TET1: variants seen among roughly 807,000 people sequenced by gnomAD.
TET1 encodes the protein tet methylcytosine dioxygenase 1, also known as methylcytosine dioxygenase TET1.
Under a neutral mutation model 148.7 loss-of-function variants are expected in TET1, and 13 were observed. The ratio of observed to expected loss-of-function variants is 0.09; its 90% CI spans 0.06 to 0.14. The LOEUF is 0.14. Among genes scored for constraint, TET1 ranks in the 10% least tolerant of loss-of-function variants. The pLI, the probability that TET1 is intolerant of heterozygous loss-of-function variation, is 1.00. For missense variants in TET1, 2,182 were observed against 2,553.8 expected, an observed-to-expected ratio of 0.85 and a Z score of 3.14; for synonymous variants, 907 against 937.2, an observed-to-expected ratio of 0.97 and a Z score of 0.59.
At chr10:68,660,328 T>C (rs541352806) in intron 6 of TET1, among the ~76,000 whole-genome samples, 2 of 150,038 alleles carry the variant, frequency 1.3e-5, no homozygotes, top group African/African-American at 5.0e-5. Flanking sequence ...ACTTTTTTCT[T>C]TTCTTCTTCT....
chr10:68,685,564 T>C (rs2055497756), intron 10 of TET1, among the ~76,000 whole-genome samples: 1 of 152,112 alleles, frequency 6.6e-6, no homozygotes, highest in Non-Finnish European at 1.5e-5. Context: ...AATTAAAATA[T>C]TAGTTTTATA....
chr10:68,661,198 T>TTTG (rs2055107088), intron 6 of TET1, among the ~76,000 whole-genome samples: 1 of 119,928 alleles, frequency 8.3e-6, no homozygotes, highest in Non-Finnish European at 1.7e-5. Flanking sequence ...CCTGGCTAAT[T>TTTG]TTTTTTTTTT....
At position 68,615,356 on chromosome 10, in the gene TET1, C is replaced by CTTTTTTTTTTTTTTTTTTT. The variant is rs71019038; in HGVS notation, c.1968+14329_1968+14330insTTTTTTTTTTTTTTTTTTT. 2.1e-5 allele frequency among the ~76,000 whole-genome samples: 3 copies of CTTTTTTTTTTTTTTTTTTT among 145,278 alleles called. 1 individual carries two copies. Among genetic ancestry groups the CTTTTTTTTTTTTTTTTTTT allele is most frequent in the Admixed American group, 1.4e-4 (2 of 14,278 alleles). ...TTCAGAATGGTGTTTCTTTTCTTTT[C>CTTTTTTTTTTTTTTTTTTT]TTTTTTTGAGATGGAGACTCACTCT... On this transcript the variant is annotated intron_variant, in intron 3 of 11. Transcript: ENST00000373644.
chr10:68,673,954 C>CTTTTCTTTTT (rs2055313402), intron 8 of TET1, among the ~76,000 whole-genome samples: 1 of 78,828 alleles, frequency 1.3e-5, no homozygotes, highest in Admixed American at 1.2e-4. Flanking sequence ...TTTTCTTTTT[C>CTTTTCTTTTT]TTTTTCTTTT....
At chr10:68,640,637 C>T (rs547607532) in intron 3 of TET1, among the ~76,000 whole-genome samples, 10 of 125,780 alleles carry the variant, frequency 8.0e-5, no homozygotes, top group East Asian at 2.8e-4. Flanking sequence ...CTGCAGGCTC[C>T]GCTTCCCAGG....
intron 1 of TET1, among the ~76,000 whole-genome samples, chr10:68,569,813 A>T (rs1052879963): frequency 1.1e-4 from 16 of 152,112 alleles, no homozygotes; most frequent in Non-Finnish European, 2.4e-4. Flanking sequence ...TTAAAAATGC[A>T]TGAAACTACA....
intron 7 of TET1, among the ~76,000 whole-genome samples, chr10:68,668,564 A>T (rs12252835): frequency 0.055 from 8,414 of 152,272 alleles, 773 homozygotes; most frequent in African/African-American, 0.19. Flanking sequence ...AAGAGGAGAT[A>T]AGTTTTGTTG....
Position 68,690,789 on chromosome 10 carries a change from A to C in TET1, c.5405-19A>C. 6.4e-7 allele frequency: 1 copy of C among 1,551,602 alleles called. No homozygotes were observed. The highest frequency in any genetic ancestry group is 1.2e-5 in the South Asian group (1 of 82,512). On this transcript the variant is annotated intron_variant, in intron 11 of 11. Coordinates refer to ENST00000373644, the MANE Select transcript of TET1 (RefSeq NM_030625.3). ...AAAAGTAATTTGTATTTTTCTTCAC[A>C]TTTGGTGTCCTTGTTTAGGGAGTAA...
At chr10:68,576,317 C>G (rs754629945) in intron 2 of TET1, among the ~76,000 whole-genome samples, 46 of 150,616 alleles carry the variant, frequency 3.1e-4, no homozygotes, top group Non-Finnish European at 5.6e-4. Flanking sequence ...CGCCACTGCA[C>G]TCCAGCAGGG....
intron 1 of TET1, among the ~76,000 whole-genome samples, chr10:68,570,599 G>A: frequency 6.6e-6 from 1 of 151,840 alleles, no homozygotes. Context: ...TTCTTTTGCA[G>A]TAAACAATTC....
intron 2 of TET1, among the ~76,000 whole-genome samples, chr10:68,590,077 C>T (rs2053902052): frequency 6.6e-6 from 1 of 152,120 alleles, no homozygotes. Context: ...TACAGTTGTA[C>T]GGACTGAGAG....
intron 3 of TET1, among the ~76,000 whole-genome samples, chr10:68,624,602 C>CTCTTTCTT (rs771481993): frequency 1.6e-4 from 18 of 113,948 alleles, no homozygotes; most frequent in African/African-American, 3.3e-4. Context: ...TTTTCTTTTT[C>CTCTTTCTT]TCTTTCTTTC....
At chr10:68,568,584 G>A (rs1199201896) in intron 1 of TET1, among the ~76,000 whole-genome samples, 1 of 152,202 alleles carries the variant, frequency 6.6e-6, no homozygotes, top group East Asian at 1.9e-4. Flanking sequence ...CTACTATAGT[G>A]AGCTTTGCTT....
chr10:68,583,670 C>T (rs1590168917), intron 2 of TET1, among the ~76,000 whole-genome samples: 1 of 152,214 alleles, frequency 6.6e-6, no homozygotes, highest in Non-Finnish European at 1.5e-5. Flanking sequence ...CCCAGCACTT[C>T]GGGAGGCCGA....
chr10:68,647,618 G>T (rs1485777613), intron 4 of TET1, among the ~76,000 whole-genome samples: 1 of 151,624 alleles, frequency 6.6e-6, no homozygotes, highest in Non-Finnish European at 1.5e-5. Context: ...AAAAAAGAAA[G>T]AAAGAAATAA....
intron 4 of TET1, among the ~76,000 whole-genome samples, chr10:68,648,465 A>G (rs1023642955): frequency 3.9e-5 from 6 of 152,212 alleles, no homozygotes; most frequent in African/African-American, 1.4e-4. Flanking sequence ...CCATACAACT[A>G]TGTTAGAATA....
intron 2 of TET1, among the ~76,000 whole-genome samples, chr10:68,590,501 G>C (rs2053907076): frequency 6.6e-6 from 1 of 152,134 alleles, no homozygotes; most frequent in Non-Finnish European, 1.5e-5. Context: ...TGAGTCTACT[G>C]GAGGTTGACT....
At chr10:68,666,940 G>A (rs988151106) in intron 6 of TET1, 105 bp from the exon 7 acceptor site, 13 of 1,033,736 alleles carry the variant, frequency 1.3e-5, no homozygotes, top group Admixed American at 2.8e-5. Flanking sequence ...TATAAATTAA[G>A]TAAATAAACT....
At position 68,573,031 on chromosome 10, in the gene TET1, G is replaced by A; in HGVS notation, c.693G>A (p.Glu231=). The A allele has an allele frequency of 6.2e-7, 1 of 1,614,170 alleles. No individual in the cohort carries two copies. The highest frequency in any genetic ancestry group is 8.5e-7 in the Non-Finnish European group (1 of 1,180,038). ...TRCGEGLFSE[E]TLNDTSGSPK... ...GTGGTGAAGGACTATTCTCTGAAGA[G>A]ACATTGAATGATACCAGTGGTTCCC... Residue 231 remains glutamate (E), a synonymous_variant, in exon 2 of 12, where the codon GAG becomes GAA. Coordinates refer to ENST00000373644, the MANE Select transcript of TET1 (RefSeq NM_030625.3).
Sources: gnomAD v4.1 joint callset for allele counts (sites outside exome capture counted in the v4.1 genomes callset) on GRCh38, gnomAD v4.1.1 for gene constraint, MANE v1.5 for transcripts, NCBI Gene and HGNC (gene_info 2026-07-23, HGNC 2026-07-21) for gene names.